ZNF611: variants seen among roughly 807,000 people sequenced by gnomAD.
ZNF611 encodes zinc finger protein 611.
In ZNF611, 6 loss-of-function variants were observed where a neutral mutation model predicts 8.9. The ratio of observed to expected loss-of-function variants is 0.68; its 90% confidence interval spans 0.37 to 1.34. The LOEUF is 1.34. ZNF611 is among the 40% of genes most tolerant of loss of function. The pLI is 0.02. For synonymous variants in ZNF611, 262 were observed against 279.7 expected (o/e 0.94, Z 0.63); for missense variants, 874 against 841.3 (o/e 1.04, Z -0.48).
intron 3 of ZNF611, among the ~76,000 whole-genome samples, chr19:52,719,926 T>C (rs914316441): frequency 2.6e-5 from 4 of 152,238 alleles, no homozygotes; most frequent in African/African-American, 4.8e-5. Context: ...CCTTCCGCAG[T>C]GTTTGTCTCC....
intron 4 of ZNF611, 142 bp downstream of exon 4, chr19:52,715,690 G>A: frequency 7.5e-7 from 1 of 1,339,502 alleles, no homozygotes; most frequent in Admixed American, 2.1e-5. Context: ...GAGCAGCTGA[G>A]AGGAACTGAG....
chr19:52,704,917 T>C lies in ZNF611; in HGVS notation c.*20A>G. The C allele has an allele frequency of 1.2e-6, 2 of 1,612,878 alleles. No individual in the cohort carries two copies. Among genetic ancestry groups the C allele is most frequent in the Non-Finnish European group, 1.7e-6 (2 of 1,179,390 alleles). On this transcript the variant is annotated 3_prime_UTR_variant, in exon 6 of 6. Transcript: ENST00000652185. ...AAGGTGTGATTTCCAAATGGAAACT[T>C]TGTCACATGCTTCACATTTCTAAGG...
chr19:52,727,175 T>C (rs2062398576), intron 3 of ZNF611, among the ~76,000 whole-genome samples: 1 of 152,200 alleles, frequency 6.6e-6, no homozygotes, highest in Non-Finnish European at 1.5e-5. Flanking sequence ...CCAGGAAATA[T>C]TCTTTACTTC....
intron 3 of ZNF611, among the ~76,000 whole-genome samples, chr19:52,722,901 T>G (rs2147439965): frequency 8.1e-6 from 1 of 123,942 alleles, no homozygotes; most frequent in Admixed American, 8.6e-5. Flanking sequence ...TGGTTTTTGT[T>G]TTCGTTTTTT....
chr19:52,712,860 G>A (rs1465037559), intron 5 of ZNF611, among the ~76,000 whole-genome samples: 2 of 152,082 alleles, frequency 1.3e-5, no homozygotes, highest in Non-Finnish European at 2.9e-5. Flanking sequence ...AACAAAATGT[G>A]GTACACACAT....
At chr19:52,707,713 C>T (rs141094832) in intron 5 of ZNF611, among the ~76,000 whole-genome samples, 2,143 of 152,034 alleles carry the variant, frequency 0.014, 39 homozygotes, top group African/African-American at 0.049. Flanking sequence ...CAGCTCACTG[C>T]AGCCTCTGCC....
At chr19:52,724,236 G>C (rs2062377553) in intron 3 of ZNF611, 1 of 152,228 alleles carries the variant, frequency 6.6e-6, no homozygotes, top group Admixed American at 6.6e-5. Flanking sequence ...TTCTTGGGCA[G>C]AGGTCCCTGC....
chr19:52,720,134 G>A (rs1335441826), intron 3 of ZNF611, among the ~76,000 whole-genome samples: 1 of 152,238 alleles, frequency 6.6e-6, no homozygotes, highest in Non-Finnish European at 1.5e-5. Flanking sequence ...ATTTTTCTTA[G>A]TACAGAACAA....
chr19:52,709,690 C>T (rs1187096005), intron 5 of ZNF611, among the ~76,000 whole-genome samples: 1 of 152,154 alleles, frequency 6.6e-6, no homozygotes, highest in Non-Finnish European at 1.5e-5. Context: ...GCCTCAGCCA[C>T]CCGAGTAGCT....
chr19:52,726,563 T>G (rs2062394666), intron 3 of ZNF611, among the ~76,000 whole-genome samples: 1 of 151,894 alleles, frequency 6.6e-6, no homozygotes. Context: ...GGACTACAGG[T>G]GCCCGCCACG....
At chr19:52,711,965 A>G (rs73934859) in intron 5 of ZNF611, among the ~76,000 whole-genome samples, 8,135 of 151,672 alleles carry the variant, frequency 0.054, 510 homozygotes, top group African/African-American at 0.16. Context: ...AATTCCACCA[A>G]GATAGACCAA....
chr19:52,716,097 T>G (rs1164770257), intron 3 of ZNF611, 184 bp from the exon 4 acceptor site: 2 of 634,360 alleles, frequency 3.2e-6, no homozygotes, highest in African/African-American at 3.7e-5. Flanking sequence ...TTGACCCCAG[T>G]CTTCAGATCT....
intron 1 of ZNF611, among the ~76,000 whole-genome samples, chr19:52,734,100 C>T (rs2086291862): frequency 7.2e-6 from 1 of 139,532 alleles, no homozygotes; most frequent in African/African-American, 2.8e-5. Flanking sequence ...TGCCACTCCC[C>T]CTACCTTGTG....
chr19:52,709,855 C>T (rs1336143226), intron 5 of ZNF611, among the ~76,000 whole-genome samples: 1 of 152,164 alleles, frequency 6.6e-6, no homozygotes, highest in African/African-American at 2.4e-5. Flanking sequence ...GCGTGAGCCA[C>T]CATGCCCGGC....
chr19:52,715,887 C>T lies in ZNF611; in HGVS notation c.8G>A (p.Arg3His), dbSNP rs146379839. 603 of 1,613,440 alleles carry T rather than the reference C, an allele frequency of 3.7e-4. 4 individuals carry two copies. In the East Asian group the frequency reaches 4.7e-3, roughly 13 times the overall value. The change falls in exon 4 of 6, where the codon CGT becomes CAT. Residue 3 changes from arginine to histidine, a missense_variant. Coordinates refer to ENST00000652185, the MANE Select transcript of ZNF611 (RefSeq NM_001161499.2). ML[R>H]EEAAQKRKGK... ...TTTCCTCTTCTGAGCTGCTTCCTCA[C>T]GTAACATGAGTCTTTAGGAATCAAT... is the stretch of plus-strand genomic sequence containing the variant.
chr19:52,725,377 G>A (rs899097555), intron 3 of ZNF611, among the ~76,000 whole-genome samples: 1 of 152,344 alleles, frequency 6.6e-6, no homozygotes, highest in East Asian at 1.9e-4. Context: ...CGCTCCAGGG[G>A]AGGCCGACGG....
chr19:52,707,177 T>G (rs1315592436), intron 5 of ZNF611, among the ~76,000 whole-genome samples: 1 of 150,474 alleles, frequency 6.6e-6, no homozygotes, highest in Non-Finnish European at 1.5e-5. Context: ...AAAAAGCATA[T>G]CACCATCACA....
In ZNF611 at chr19:52,704,891, TAAG is replaced by T; in HGVS notation, c.*43_*45del. 1 of 1,611,484 alleles carries T rather than the reference TAAG, an allele frequency of 6.2e-7. No individual in the cohort carries two copies. The highest frequency in any genetic ancestry group is 8.5e-7 in the Non-Finnish European group (1 of 1,178,720). Reference sequence around the variant, plus strand: ...TCCAGTATAAATTCTCCTATGTCTTTAAGGTGTGATTTCCAAATGGAAACTTTG... The same window carrying T: ...TCCAGTATAAATTCTCCTATGTCTTTGTGTGATTTCCAAATGGAAACTTTG... On this transcript the variant is annotated 3_prime_UTR_variant, in exon 6 of 6. Transcript: ENST00000652185.
At chr19:52,719,210 A>G (rs185880489) in intron 3 of ZNF611, among the ~76,000 whole-genome samples, 1 of 152,276 alleles carries the variant, frequency 6.6e-6, no homozygotes, top group East Asian at 1.9e-4. Flanking sequence ...AAAAAAACCA[A>G]CCACATGAAT....
Sources: gnomAD v4.1 joint callset for allele counts (sites outside exome capture counted in the v4.1 genomes callset) on GRCh38, gnomAD v4.1.1 for gene constraint, MANE v1.5 for transcripts, NCBI Gene and HGNC (gene_info 2026-07-23, HGNC 2026-07-21) for gene names.